The following BTBD9 variants were observed in gnomAD, a reference collection of about 807,000 sequenced individuals.
BTBD9 encodes BTB/POZ domain-containing protein 9.
Under a neutral mutation model 64.3 loss-of-function variants are expected in BTBD9, and 49 were observed. The observed-to-expected ratio is 0.76, with a 90% CI of 0.61 to 0.97. The LOEUF (loss-of-function observed/expected upper bound fraction) is 0.97, where lower values mean the gene tolerates loss of function less well. Ranked by LOEUF, BTBD9 falls within the 50% of genes least tolerant of loss-of-function variation. The pLI, the probability that BTBD9 is intolerant of heterozygous loss-of-function variation, is 0.00. For synonymous variants in BTBD9, 260 were observed against 274.7 expected (o/e 0.95, Z 0.53); for missense variants, 598 against 762.1 (o/e 0.78, Z 2.53).
intron 9 of BTBD9, among the ~76,000 whole-genome samples, chr6:38,202,115 T>A (rs1237865885): frequency 7.8e-5 from 11 of 140,622 alleles, no homozygotes; most frequent in African/African-American, 2.7e-4. Flanking sequence ...AGATGGAATC[T>A]CGCTCTGTTG....
chr6:38,263,920 A>C (rs1764880019), intron 8 of BTBD9, among the ~76,000 whole-genome samples: 1 of 152,226 alleles, frequency 6.6e-6, no homozygotes, highest in Admixed American at 6.5e-5. Context: ...AAGGTACGCA[A>C]TAAGAGTAGA....
Position 38,169,052 on chromosome 6 carries a change from G to A in BTBD9, c.*5933C>T, listed in dbSNP as rs1293232605. ...CCTGGAGAGCCTTGGGGAGAGATCA[G>A]GCCCCACAGACCTGGAAGCTCTGCC... On this transcript the variant is annotated 3_prime_UTR_variant, in exon 11 of 11. Transcript: ENST00000481247. 3 of 152,474 alleles carry A rather than the reference G, an allele frequency of 2.0e-5. No individual in the cohort carries two copies. The highest frequency in any genetic ancestry group is 7.2e-5 in the African/African-American group (3 of 41,446). The allele number at this position is 152,474 out of a possible 1,614,324, so 9.4% of individuals were successfully genotyped here. A position where few individuals can be genotyped will look rare whatever the true frequency, so the allele number is the denominator to read the frequency against.
chr6:38,349,465 T>A (rs1307371303), intron 6 of BTBD9, among the ~76,000 whole-genome samples: 3 of 152,156 alleles, frequency 2.0e-5, no homozygotes, highest in Non-Finnish European at 4.4e-5. Flanking sequence ...CAGTACAGTA[T>A]AATATTTGGA....
chr6:38,329,392 G>A (rs1220568196), intron 7 of BTBD9, among the ~76,000 whole-genome samples: 6 of 147,020 alleles, frequency 4.1e-5, no homozygotes, highest in Non-Finnish European at 5.9e-5. Flanking sequence ...GCATGATCTC[G>A]GCTCACCGCA....
rs952525764 is a variant in BTBD9 at position 38,251,638 on chromosome 6, G to A, written c.1562+4771C>T. ...ATTTCAGCCAGGTGCGGTGGCTCACGCCTGTACTTTGGGAGGCCGAGGTGA... is the reference window on the plus strand; with the variant it reads ...ATTTCAGCCAGGTGCGGTGGCTCACACCTGTACTTTGGGAGGCCGAGGTGA... On this transcript the variant is annotated intron_variant, in intron 9 of 10. Transcript: ENST00000481247. Among the ~76,000 whole-genome samples, 10 of 152,156 alleles carry A rather than the reference G, an allele frequency of 6.6e-5. No homozygotes were observed. The Middle Eastern group carries it at 0.014, about 207-fold the overall frequency.
In BTBD9 at chr6:38,579,359, A is replaced by G. The variant is rs1267537041; in HGVS notation, c.1034+859T>C. Among the ~76,000 whole-genome samples, 7 of 152,342 alleles carry G rather than the reference A, an allele frequency of 4.6e-5. No homozygotes were observed. The South Asian group carries it at 8.3e-4, about 18-fold the overall frequency. On this transcript the variant is annotated intron_variant, in intron 5 of 10. Coordinates refer to ENST00000481247, the MANE Select transcript of BTBD9 (RefSeq NM_001099272.2). ...CCTTCATGCCCAGATCTGAAGAGGCATAAGTGGGGCACAGTTTCTGGGTAT... is the reference window on the plus strand; with the variant it reads ...CCTTCATGCCCAGATCTGAAGAGGCGTAAGTGGGGCACAGTTTCTGGGTAT...
At chr6:38,410,971 C>T (rs1455607286) in intron 6 of BTBD9, among the ~76,000 whole-genome samples, 3 of 152,108 alleles carry the variant, frequency 2.0e-5, no homozygotes, top group Non-Finnish European at 4.4e-5. Context: ...TCTCTTGTGA[C>T]CTCCTGTCCC....
At chr6:38,337,522 A>G (rs1763940554) in intron 7 of BTBD9, among the ~76,000 whole-genome samples, 1 of 152,220 alleles carries the variant, frequency 6.6e-6, no homozygotes, top group East Asian at 1.9e-4. Flanking sequence ...TCAAAATACC[A>G]TTCTTCATGA....
rs9647621 is a variant in BTBD9 at position 38,440,925 on chromosome 6, T to C, written c.1155-95832A>G. Among the ~76,000 whole-genome samples the C allele has an allele frequency of 9.3e-3, 1,413 of 152,342 alleles. 23 individuals are homozygous for C. The highest frequency in any genetic ancestry group is 0.012 in the Non-Finnish European group (841 of 68,028). Reference sequence around the variant, plus strand: ...TAGAATTTTTTTTGATATTGAGTACTAAGTTAGCAAAGTAATTTGCACTTA... The same window carrying C: ...TAGAATTTTTTTTGATATTGAGTACCAAGTTAGCAAAGTAATTTGCACTTA... On this transcript the variant is annotated intron_variant, in intron 6 of 10. Transcript: ENST00000481247.
intron 6 of BTBD9, among the ~76,000 whole-genome samples, chr6:38,495,986 T>C (rs1256347569): frequency 6.6e-6 from 1 of 152,186 alleles, no homozygotes; most frequent in Admixed American, 6.5e-5. Context: ...TGGGCACATG[T>C]GTCATCTAAA....
intron 9 of BTBD9, among the ~76,000 whole-genome samples, chr6:38,201,612 G>T (rs1370023837): frequency 6.6e-6 from 1 of 152,160 alleles, no homozygotes; most frequent in Non-Finnish European, 1.5e-5. Context: ...GCAAGAGAAA[G>T]AAATAAAAGG....
At chr6:38,403,122 A>AAAGAAAAG (rs1767012518) in intron 6 of BTBD9, among the ~76,000 whole-genome samples, 1 of 100,754 alleles carries the variant, frequency 9.9e-6, no homozygotes, top group African/African-American at 5.4e-5. Context: ...GGAAAGAAAA[A>AAAGAAAAG]AGAAAAGAAG....
chr6:38,217,033 G>T (rs955078550), intron 9 of BTBD9, among the ~76,000 whole-genome samples: 16 of 151,906 alleles, frequency 1.1e-4, no homozygotes, highest in African/African-American at 3.9e-4. Flanking sequence ...TCTGGGCCAG[G>T]CGCAGTAGCT....
At chr6:38,283,332 A>C (rs1761593779) in intron 8 of BTBD9, among the ~76,000 whole-genome samples, 1 of 152,224 alleles carries the variant, frequency 6.6e-6, no homozygotes, top group Admixed American at 6.5e-5. Flanking sequence ...TCACTTAGCA[A>C]TAGCAAATGC....
intron 6 of BTBD9, among the ~76,000 whole-genome samples, chr6:38,401,043 T>C (rs1206351131): frequency 6.6e-6 from 1 of 152,196 alleles, no homozygotes; most frequent in Non-Finnish European, 1.5e-5. Context: ...CCCTGTTCTT[T>C]CCTTCCATAA....
At chr6:38,454,999 TA>T (rs1171407174) in intron 6 of BTBD9, among the ~76,000 whole-genome samples, 1 of 152,110 alleles carries the variant, frequency 6.6e-6, no homozygotes, top group East Asian at 1.9e-4. Context: ...GAAAGAAGAA[TA>T]AAACTGATTT....
intron 6 of BTBD9, among the ~76,000 whole-genome samples, chr6:38,459,338 A>G (rs1290875247): frequency 1.3e-5 from 2 of 152,192 alleles, no homozygotes; most frequent in African/African-American, 4.8e-5. Context: ...TTTATAACAA[A>G]GACATTTATC....
intron 8 of BTBD9, among the ~76,000 whole-genome samples, chr6:38,267,592 C>G (rs1308965390): frequency 6.6e-6 from 1 of 152,144 alleles, no homozygotes; most frequent in Non-Finnish European, 1.5e-5. Flanking sequence ...TGGCTAATGA[C>G]CTTGGTATTT....
intron 6 of BTBD9, among the ~76,000 whole-genome samples, chr6:38,389,775 GA>G (rs1766332082): frequency 6.6e-6 from 1 of 152,168 alleles, no homozygotes; most frequent in Non-Finnish European, 1.5e-5. Context: ...TGGGAACTGT[GA>G]ATATTAAACT....
Sources: allele counts gnomAD v4.1 joint callset (sites outside exome capture counted in the v4.1 genomes callset), GRCh38; gene constraint gnomAD v4.1.1; transcripts MANE v1.5; gene names NCBI Gene and HGNC (gene_info 2026-07-23, HGNC 2026-07-21).